PDE8B: variants seen among roughly 807,000 people sequenced by gnomAD.
The protein encoded by PDE8B is high affinity cAMP-specific and IBMX-insensitive 3',5'-cyclic phosphodiesterase 8B.
A neutral mutation model predicts 101.3 loss-of-function variants in PDE8B; 26 were observed. The observed-to-expected ratio is 0.26, with a 90% CI of 0.19 to 0.36. The LOEUF is 0.36. Ranked by LOEUF, PDE8B falls within the 10% of genes least tolerant of loss-of-function variation. The pLI is 1.00. For missense variants in PDE8B, 810 were observed against 1,163.1 expected, an observed-to-expected ratio of 0.70 and a Z score of 4.42; for synonymous variants, 424 against 429.3, an observed-to-expected ratio of 0.99 and a Z score of 0.15.
chr5:77,175,597 T>C, the PDE8B span, among the ~76,000 whole-genome samples: 1 of 152,244 alleles, frequency 6.6e-6, no homozygotes, highest in Non-Finnish European at 1.5e-5. Flanking sequence ...CAGATCATGA[T>C]ACAATGATCA....
Position 77,329,019 on chromosome 5 carries a change from C to T in PDE8B, c.612C>T (p.Pro204=), listed in dbSNP as rs1389163129. The change falls in exon 4 of 22, where the codon CCC becomes CCT. Residue 204 remains proline, a synonymous_variant. Transcript: ENST00000264917. ...AVCRSIRATN[P]SEHTVILAVV... ...GCAGGTCGATCCGGGCCACAAATCC[C>T]TCCGAGCACACGGTGATCCTCGCAG... The T allele has an allele frequency of 1.2e-6, 2 of 1,614,090 alleles. No individual in the cohort carries two copies. Among genetic ancestry groups the T allele is most frequent in the Admixed American group, 3.3e-5 (2 of 60,022 alleles).
the PDE8B span, among the ~76,000 whole-genome samples, chr5:77,168,280 A>G: frequency 9.2e-5 from 14 of 152,240 alleles, no homozygotes; most frequent in African/African-American, 3.4e-4. Context: ...AGCTGGAAGC[A>G]TCCAGTTGCC....
chr5:77,367,342 A>G (rs1784331468), intron 10 of PDE8B, among the ~76,000 whole-genome samples: 1 of 152,052 alleles, frequency 6.6e-6, no homozygotes, highest in African/African-American at 2.4e-5. Flanking sequence ...AGAGTGTAGA[A>G]GCAGATGCTG....
intron 10 of PDE8B, among the ~76,000 whole-genome samples, chr5:77,379,873 TGAAG>T (rs1787120670): frequency 6.6e-6 from 1 of 152,198 alleles, no homozygotes; most frequent in East Asian, 1.9e-4. Flanking sequence ...TACATGTAAA[TGAAG>T]GGAGGGTCTC....
chr5:77,371,754 G>A (rs1239304655), intron 10 of PDE8B, among the ~76,000 whole-genome samples: 1 of 152,148 alleles, frequency 6.6e-6, no homozygotes, highest in African/African-American at 2.4e-5. Flanking sequence ...CTTCTTTAAT[G>A]TCTCTCAGCA....
At chr5:77,127,185 C>T in the PDE8B span, among the ~76,000 whole-genome samples, 1 of 152,188 alleles carries the variant, frequency 6.6e-6, no homozygotes, top group African/African-American at 2.4e-5. Context: ...TGTGTCCCCA[C>T]CCAAATCTCA....
chr5:77,126,164 T>C, the PDE8B span, among the ~76,000 whole-genome samples: 3 of 152,128 alleles, frequency 2.0e-5, no homozygotes, highest in Non-Finnish European at 2.9e-5. Context: ...TGGGCACCTT[T>C]AGTCCCAGCT....
chr5:77,180,449 G>T, the PDE8B span: 12 of 985,270 alleles, frequency 1.2e-5, no homozygotes, highest in Non-Finnish European at 1.4e-5. Flanking sequence ...CCCGCCGCCG[G>T]CATGGACCAG....
chr5:77,367,422 A>G (rs992883667), intron 10 of PDE8B, among the ~76,000 whole-genome samples: 8 of 151,910 alleles, frequency 5.3e-5, no homozygotes, highest in Admixed American at 5.3e-4. Context: ...TGTTTGAACT[A>G]ATCTGGGGCT....
At chr5:77,339,699 C>T (rs1340687925) in intron 6 of PDE8B, among the ~76,000 whole-genome samples, 1 of 152,114 alleles carries the variant, frequency 6.6e-6, no homozygotes, top group Admixed American at 6.5e-5. Flanking sequence ...CTTTCCCCTA[C>T]AATTCCGCCC....
chr5:77,416,741 G>C (rs938844379), intron 17 of PDE8B, among the ~76,000 whole-genome samples: 14 of 152,180 alleles, frequency 9.2e-5, no homozygotes, highest in Non-Finnish European at 1.9e-4. Flanking sequence ...TTGGCCATCA[G>C]GGTGCCGTTG....
intron 1 of PDE8B, among the ~76,000 whole-genome samples, chr5:77,310,565 T>C (rs2150112814): frequency 6.6e-6 from 1 of 152,350 alleles, no homozygotes; most frequent in South Asian, 2.1e-4. Flanking sequence ...AGGAACTTGT[T>C]CACAGGCTCA....
chr5:77,086,981 G>GAAGGGCAT, the PDE8B span: 1 of 152,230 alleles, frequency 6.6e-6, no homozygotes, highest in Admixed American at 6.5e-5. Context: ...GAGAAGGGCA[G>GAAGGGCAT]CCCAGCGAAG....
At chr5:77,377,706 A>G (rs187031818) in intron 10 of PDE8B, among the ~76,000 whole-genome samples, 301 of 152,354 alleles carry the variant, frequency 2.0e-3, no homozygotes, top group Admixed American at 2.4e-3. Context: ...ATCAGAGGAC[A>G]GGAAGATCTG....
At chr5:77,314,885 A>G (rs566844789) in intron 2 of PDE8B, among the ~76,000 whole-genome samples, 1 of 152,278 alleles carries the variant, frequency 6.6e-6, no homozygotes, top group African/African-American at 2.4e-5. Flanking sequence ...ATTCTGGTGG[A>G]TGAGTAGTAT....
chr5:77,227,129 A>G (rs1752564341), intron 1 of PDE8B, among the ~76,000 whole-genome samples: 1 of 152,244 alleles, frequency 6.6e-6, no homozygotes, highest in South Asian at 2.1e-4. Flanking sequence ...GGTATTAATC[A>G]CCAAGACCTA....
the PDE8B span, among the ~76,000 whole-genome samples, chr5:77,135,345 C>G: frequency 7.3e-3 from 1,106 of 152,250 alleles, 7 homozygotes; most frequent in South Asian, 0.032. Flanking sequence ...TAAGAGGATC[C>G]AAAATGACAT....
At chr5:77,275,788 T>C (rs1287843047) in intron 1 of PDE8B, among the ~76,000 whole-genome samples, 1 of 152,210 alleles carries the variant, frequency 6.6e-6, no homozygotes, top group East Asian at 1.9e-4. Context: ...CTTTAAATGT[T>C]GAATTTCATT....
chr5:77,311,006 T>C (rs1359852099), intron 1 of PDE8B, among the ~76,000 whole-genome samples: 3 of 152,218 alleles, frequency 2.0e-5, no homozygotes, highest in African/African-American at 7.2e-5. Flanking sequence ...AAGGCTCCCA[T>C]GGCCCTTGGG....
Sources: gnomAD v4.1 joint callset for allele counts (sites outside exome capture counted in the v4.1 genomes callset) on GRCh38, gnomAD v4.1.1 for gene constraint, MANE v1.5 for transcripts, NCBI Gene and HGNC (gene_info 2026-07-23, HGNC 2026-07-21) for gene names.